ANO3: variants seen among roughly 807,000 people sequenced by gnomAD.
The protein encoded by ANO3 is anoctamin-3.
ANO3 carries 99 observed loss-of-function variants against 144.8 expected under a neutral mutation model. That is an observed-to-expected ratio of 0.68 (90% CI 0.58 to 0.81). The LOEUF is 0.81. ANO3 is among the 30% of genes least tolerant of loss of function. The probability of loss-of-function intolerance (pLI) is 0.00; values close to 1 mark genes in which losing one functional copy is unlikely to be tolerated. For synonymous variants in ANO3, 414 were observed against 392.6 expected, an observed-to-expected ratio of 1.05 and a Z score of -0.64; for missense variants, 905 against 1,202.2, an observed-to-expected ratio of 0.75 and a Z score of 3.66.
intron 1 of ANO3, among the ~76,000 whole-genome samples, chr11:26,380,081 A>G (rs930389454): frequency 2.6e-5 from 4 of 152,100 alleles, no homozygotes; most frequent in African/African-American, 9.7e-5. Context: ...TGGCTTTTCT[A>G]TGCATCCTCA....
At chr11:26,421,030 A>G (rs1484043982) in intron 1 of ANO3, among the ~76,000 whole-genome samples, 1 of 152,014 alleles carries the variant, frequency 6.6e-6, no homozygotes, top group Non-Finnish European at 1.5e-5. Context: ...CACTTCCTAG[A>G]TGTGGGACTT....
chr11:26,266,706 T>G (rs1853316563), intron 1 of ANO3, among the ~76,000 whole-genome samples: 1 of 150,926 alleles, frequency 6.6e-6, no homozygotes, highest in Non-Finnish European at 1.5e-5. Context: ...GTGCTGGGAT[T>G]ACAGGCGTGA....
intron 18 of ANO3, among the ~76,000 whole-genome samples, chr11:26,629,125 CAATCCT>C (rs1300078683): frequency 3.3e-5 from 5 of 152,126 alleles, no homozygotes; most frequent in African/African-American, 9.7e-5. Flanking sequence ...ACCAATGTAA[CAATCCT>C]CCACTTCTAG....
intron 1 of ANO3, among the ~76,000 whole-genome samples, chr11:26,316,854 C>T (rs183775769): frequency 2.0e-4 from 30 of 152,300 alleles, no homozygotes; most frequent in Non-Finnish European, 3.5e-4. Flanking sequence ...GGAAGCACAT[C>T]ACGCAGTGTT....
At chr11:26,379,286 G>C (rs1856514316) in intron 1 of ANO3, among the ~76,000 whole-genome samples, 1 of 152,124 alleles carries the variant, frequency 6.6e-6, no homozygotes, top group Non-Finnish European at 1.5e-5. Context: ...TTAAAGTTTG[G>C]ATTTTTTTCT....
intron 17 of ANO3, among the ~76,000 whole-genome samples, chr11:26,619,256 A>G (rs534050513): frequency 2.0e-5 from 3 of 152,314 alleles, no homozygotes; most frequent in East Asian, 3.9e-4. Context: ...ACCAAAGACT[A>G]TACATTTTCT....
At chr11:26,245,018 T>TGTGTGTGTGCGCGCGC (rs151031559) in intron 1 of ANO3, among the ~76,000 whole-genome samples, 33 of 145,426 alleles carry the variant, frequency 2.3e-4, no homozygotes, top group Middle Eastern at 7.0e-3. Context: ...TGTGTGTGTG[T>TGTGTGTGTGCGCGCGC]GTGCATGCAT....
At chr11:26,260,548 T>G (rs1477469904) in intron 1 of ANO3, among the ~76,000 whole-genome samples, 1 of 152,030 alleles carries the variant, frequency 6.6e-6, no homozygotes, top group African/African-American at 2.4e-5. Context: ...CCTGAGATTG[T>G]TGGAAAAGGA....
At chr11:26,313,173 T>C (rs1484496581) in intron 1 of ANO3, among the ~76,000 whole-genome samples, 3 of 152,188 alleles carry the variant, frequency 2.0e-5, no homozygotes, top group Non-Finnish European at 4.4e-5. Flanking sequence ...CAGTACAAAA[T>C]ATGTTCAATA....
At chr11:26,551,514 A>G (rs769567838) in intron 12 of ANO3, among the ~76,000 whole-genome samples, 10 of 152,004 alleles carry the variant, frequency 6.6e-5, no homozygotes, top group Non-Finnish European at 1.5e-4. Context: ...ACTTTCAGAA[A>G]ATGAATGTAA....
chr11:26,274,556 G>C (rs1853517261), intron 1 of ANO3, among the ~76,000 whole-genome samples: 1 of 152,090 alleles, frequency 6.6e-6, no homozygotes, highest in Admixed American at 6.6e-5. Context: ...TTTGCCTCAT[G>C]TGACACTGAG....
In ANO3 at chr11:26,508,150, G is replaced by A; in HGVS notation, c.479G>A (p.Gly160Asp). 6.3e-7 allele frequency: 1 copy of A among 1,594,552 alleles called. No individual in the cohort carries two copies. Residue 160 changes from glycine (G) to aspartate (D), a missense_variant, in exon 5 of 27, where the codon GGC becomes GAC. By Grantham distance (94) the Gly-to-Asp change is moderately conservative. Around this residue, in one of 4 missense-constraint regions of ANO3, gnomAD observed 63 missense variants for 107.3 expected, o/e 0.59. Transcript: ENST00000256737. ...IASSGPLFKDGKKRIDYILVY... is the reference protein window; with the variant it reads ...IASSGPLFKDDKKRIDYILVY... The stretch of plus-strand genomic sequence containing the variant: ...TCCAGTGGACCTCTGTTCAAAGATG[G>A]CAAAAAGAGAATTGATTACATCTTG...
intron 1 of ANO3, among the ~76,000 whole-genome samples, chr11:26,239,673 C>T (rs1852616769): frequency 6.6e-6 from 1 of 152,180 alleles, no homozygotes; most frequent in African/African-American, 2.4e-5. Flanking sequence ...GTCCTCCTAC[C>T]TTAGCATGCC....
At chr11:26,639,310 A>C (rs1008226223) in intron 21 of ANO3, 69 bp downstream of exon 21, 1 of 1,168,532 alleles carries the variant, frequency 8.6e-7, no homozygotes. Flanking sequence ...TGGCGTGAGT[A>C]GTGCTTAAGA....
At chr11:26,235,958 ACTT>A (rs537608175) in intron 1 of ANO3, among the ~76,000 whole-genome samples, 14 of 152,134 alleles carry the variant, frequency 9.2e-5, no homozygotes, top group Non-Finnish European at 2.1e-4. Flanking sequence ...TGTAGTTAAT[ACTT>A]CTTATGTTTC....
chr11:26,413,661 G>A (rs924289224), intron 1 of ANO3, among the ~76,000 whole-genome samples: 5 of 151,944 alleles, frequency 3.3e-5, no homozygotes, highest in African/African-American at 7.2e-5. Flanking sequence ...CTTTATTTAT[G>A]TAATTCTTTA....
chr11:26,340,065 A>C (rs1855314976), intron 1 of ANO3, among the ~76,000 whole-genome samples: 1 of 152,168 alleles, frequency 6.6e-6, no homozygotes, highest in Non-Finnish European at 1.5e-5. Flanking sequence ...AAGTTACGTT[A>C]CTGGAAGTAT....
At chr11:26,207,041 G>A (rs1184816310) in intron 1 of ANO3, among the ~76,000 whole-genome samples, 3 of 152,094 alleles carry the variant, frequency 2.0e-5, no homozygotes, top group Non-Finnish European at 2.9e-5. Context: ...CCAAGATCTC[G>A]GGGAAGTAAA....
chr11:26,375,827 C>T (rs1312216018), intron 1 of ANO3, among the ~76,000 whole-genome samples: 18 of 151,976 alleles, frequency 1.2e-4, no homozygotes, highest in Admixed American at 1.1e-3. Flanking sequence ...ATTCCCAAGA[C>T]CCCATGAAAA....
Sources: gnomAD v4.1 joint callset for allele counts (sites outside exome capture counted in the v4.1 genomes callset) on GRCh38, gnomAD v4.1.1 for gene constraint, gnomAD v4.1.1 regional missense constraint, MANE v1.5 for transcripts, NCBI Gene and HGNC (gene_info 2026-07-23, HGNC 2026-07-21) for gene names.